The following ISG20L2 variants were observed in gnomAD, a reference collection of about 807,000 sequenced individuals.
The protein encoded by ISG20L2 is interferon-stimulated 20 kDa exonuclease-like 2.
ISG20L2 carries 14 observed loss-of-function variants against 27.8 expected under a neutral mutation model. That is an observed-to-expected ratio of 0.50 (90% CI 0.33 to 0.79). The LOEUF is 0.79. Among genes scored for constraint, ISG20L2 ranks in the 30% least tolerant of loss-of-function variants. The pLI is 0.02. For missense variants in ISG20L2, 393 were observed against 435.1 expected (o/e 0.90, Z 0.86); for synonymous variants, 157 against 165.7 (o/e 0.95, Z 0.40).
In ISG20L2 at chr1:156,727,761, T is replaced by G; in HGVS notation, c.-109A>C. On this transcript the variant is annotated 5_prime_UTR_variant, in exon 2 of 4. Coordinates refer to ENST00000368219, the MANE Select transcript of ISG20L2 (RefSeq NM_001370150.2). ...CTACTGTCCAACATGTGGAGGTCTG[T>G]AGTACACCCTGGGGAAGAAAGTGAT... 4 of 1,505,188 alleles carry G rather than the reference T, an allele frequency of 2.7e-6. No individual in the cohort carries two copies. In the South Asian group the frequency reaches 5.4e-5, roughly 21 times the overall value. 93.2% of individuals were successfully genotyped at this position (1,505,188 alleles called of 1,614,324 possible). A position where few individuals can be genotyped will look rare whatever the true frequency, so the allele number is the denominator to read the frequency against.
intron 2 of ISG20L2, chr1:156,726,417 AAT>A: frequency 1.0e-6 from 1 of 985,286 alleles, no homozygotes; most frequent in Non-Finnish European, 1.2e-6. Context: ...TAGAACCTAA[AAT>A]AGTTTTTTTG....
chr1:156,726,248 G>C (rs1648753075), intron 2 of ISG20L2: 1 of 985,160 alleles, frequency 1.0e-6, no homozygotes, highest in South Asian at 4.7e-5. Context: ...TTTTTGCTTG[G>C]GACGAGCTCT....
In ISG20L2 at chr1:156,728,632, G is replaced by A; in HGVS notation, c.-335C>T. ...GGAGGAGGGGGCGGCGTGGGTGGGG[G>A]CGGGGGCGGGATGCGCTCCCCGGCC... On this transcript the variant is annotated 5_prime_UTR_variant, in exon 1 of 4. Coordinates refer to ENST00000368219, the MANE Select transcript of ISG20L2 (RefSeq NM_001370150.2). 2.0e-6 allele frequency: 2 copies of A among 982,578 alleles called. No individual in the cohort carries two copies. Among genetic ancestry groups the A allele is most frequent in the Non-Finnish European group, 2.4e-6 (2 of 827,054 alleles). The allele number at this position is 982,578 out of a possible 1,614,324, so 60.9% of individuals were successfully genotyped here.
rs374960324 is a variant in ISG20L2 at position 156,724,241 on chromosome 1, A to G, written c.855T>C (p.His285=). Residue 285 remains histidine (H), a synonymous_variant, in exon 3 of 4, where the codon CAT becomes CAC. Coordinates refer to ENST00000368219, the MANE Select transcript of ISG20L2 (RefSeq NM_001370150.2). The part of the protein sequence containing the change: ...HPKSLTRDTS[H]IPPLNRKADC... Reference sequence around the variant, plus strand: ...CAGCCTTCCGGTTGAGGGGGGGGATATGGGAGGTGTCACGGGTGAGGGACT... The same window carrying G: ...CAGCCTTCCGGTTGAGGGGGGGGATGTGGGAGGTGTCACGGGTGAGGGACT... The G allele has an allele frequency of 8.4e-5, 135 of 1,613,006 alleles. No individual in the cohort carries two copies. Among genetic ancestry groups the G allele is most frequent in the Non-Finnish European group, 1.1e-4 (130 of 1,179,472 alleles).
chr1:156,728,579 C>G lies in ISG20L2; in HGVS notation c.-282G>C. ...CCCCAGGTAGTGAGGCCAGTGATTC[C>G]GAGTGTGTGAGGAGCGGCAGTGGCG... On this transcript the variant is annotated 5_prime_UTR_variant, in exon 1 of 4. Coordinates refer to ENST00000368219, the MANE Select transcript of ISG20L2 (RefSeq NM_001370150.2). 1 of 976,380 alleles carries G rather than the reference C, an allele frequency of 1.0e-6. No homozygotes were observed. The highest frequency in any genetic ancestry group is 1.2e-6 in the Non-Finnish European group (1 of 826,788). The allele number at this position is 976,380 out of a possible 1,614,324, so 60.5% of individuals were successfully genotyped here. A position where few individuals can be genotyped will look rare whatever the true frequency, so the allele number is the denominator to read the frequency against.
intron 2 of ISG20L2, chr1:156,724,695 T>C: frequency 2.9e-6 from 3 of 1,034,934 alleles, no homozygotes; most frequent in South Asian, 7.7e-5. Context: ...ATGAAGTCCT[T>C]TAACTATTAC....
chr1:156,728,411 C>T lies in ISG20L2; in HGVS notation c.-118+4G>A. The T allele has an allele frequency of 1.0e-6, 1 of 985,638 alleles. No individual in the cohort carries two copies. Among genetic ancestry groups the T allele is most frequent in the Non-Finnish European group, 1.2e-6 (1 of 829,944 alleles). 61.1% of individuals were successfully genotyped at this position (985,638 alleles called of 1,614,324 possible). ...AGATCGATCTCTCACGCTCACAAAC[C>T]TACCTCCCAGACGGGTCCAGCTAAG... On this transcript the variant is annotated splice_donor_region_variant and intron_variant, in intron 1 of 3. Transcript: ENST00000368219.
At chr1:156,726,040 C>T (rs2102623642) in intron 2 of ISG20L2, 1 of 985,432 alleles carries the variant, frequency 1.0e-6, no homozygotes, top group Non-Finnish European at 1.2e-6. Flanking sequence ...TCCCAGCTCA[C>T]TCTCCTTTCC....
chr1:156,724,739 C>T (rs893807511), intron 2 of ISG20L2: 11 of 992,688 alleles, frequency 1.1e-5, no homozygotes, highest in Admixed American at 1.2e-4. Flanking sequence ...GGCTGGGACC[C>T]GGGCTCCAGG....
Position 156,728,723 on chromosome 1 carries a change from C to T in ISG20L2, c.-426G>A. 2.0e-6 allele frequency: 2 copies of T among 998,710 alleles called. No homozygotes were observed. The highest frequency in any genetic ancestry group is 1.2e-6 in the Non-Finnish European group (1 of 838,118). The allele number at this position is 998,710 out of a possible 1,614,324, so 61.9% of individuals were successfully genotyped here. A position where few individuals can be genotyped will look rare whatever the true frequency, so the allele number is the denominator to read the frequency against. ...GCCGCGATAAACCGGAACTGCAGCC[C>T]GCCGGACACCTCCGGCTTCACTTCC... On this transcript the variant is annotated 5_prime_UTR_variant, in exon 1 of 4. Coordinates refer to ENST00000368219, the MANE Select transcript of ISG20L2 (RefSeq NM_001370150.2).
At position 156,726,427 on chromosome 1, in the gene ISG20L2, T is replaced by C. The variant is rs1648759942; in HGVS notation, c.747+479A>G. Reference sequence around the variant, plus strand: ...CAATTTAGAACCTAAAATAGTTTTTTTGTTTGTTTTTTTGAGACAGGATCT... The same window carrying C: ...CAATTTAGAACCTAAAATAGTTTTTCTGTTTGTTTTTTTGAGACAGGATCT... On this transcript the variant is annotated intron_variant, in intron 2 of 3. Coordinates refer to ENST00000368219, the MANE Select transcript of ISG20L2 (RefSeq NM_001370150.2). The C allele has an allele frequency of 7.1e-6, 7 of 985,072 alleles. No individual in the cohort carries two copies. In the South Asian group the frequency reaches 1.4e-4, roughly 20 times the overall value. 61.0% of individuals were successfully genotyped at this position (985,072 alleles called of 1,614,324 possible). A position where few individuals can be genotyped will look rare whatever the true frequency, so the allele number is the denominator to read the frequency against.
chr1:156,727,918 G>C (rs1648878622), intron 1 of ISG20L2, 149 bp from the exon 2 acceptor site: 2 of 1,210,084 alleles, frequency 1.7e-6, no homozygotes, highest in Admixed American at 8.0e-5. Flanking sequence ...AAATGATGGA[G>C]GGAGCATTGG....
At chr1:156,724,766 C>T in intron 2 of ISG20L2, 4 of 838,184 alleles carry the variant, frequency 4.8e-6, no homozygotes, top group Non-Finnish European at 5.8e-6. Flanking sequence ...AACAAAAGCC[C>T]AAAATTACAT....
chr1:156,724,397 A>T, intron 2 of ISG20L2, 49 bp from the exon 3 acceptor site: 1 of 1,513,374 alleles, frequency 6.6e-7, no homozygotes. Context: ...CTGAAGTGGA[A>T]CCCCTGCATT....
rs374885694 is a variant in ISG20L2, at chr1:156,727,228, T to C, written c.425A>G (p.Gln142Arg). Reference protein sequence around the residue: ...HPTRSQKKSSQKKSSKKNHPQ... With the variant: ...HPTRSQKKSSRKKSSKKNHPQ... The stretch of plus-strand genomic sequence containing the variant: ...ATGGTTCTTTTTAGAGGATTTCTTC[T>C]GGGAGCTCTTCTTCTGAGAGCGGGT... Residue 142 changes from glutamine (Q) to arginine (R), a missense_variant, in exon 2 of 4, where the codon CAG (glutamine) becomes CGG (arginine). This residue lies in a region of ISG20L2 where 183 missense variants were observed against 168.2 expected (regional missense o/e 1.09). Coordinates refer to ENST00000368219, the MANE Select transcript of ISG20L2 (RefSeq NM_001370150.2). 3 of 1,613,922 alleles carry C rather than the reference T, an allele frequency of 1.9e-6. No homozygotes were observed. The highest frequency in any genetic ancestry group is 2.5e-6 in the Non-Finnish European group (3 of 1,180,008).
In ISG20L2 at chr1:156,723,217, G is replaced by T. The variant is rs1648610037; in HGVS notation, c.*132C>A. 2 of 1,101,882 alleles carry T rather than the reference G, an allele frequency of 1.8e-6. No individual in the cohort carries two copies. Among genetic ancestry groups the T allele is most frequent in the South Asian group, 1.4e-5 (1 of 71,296 alleles). The allele number at this position is 1,101,882 out of a possible 1,614,324, so 68.3% of individuals were successfully genotyped here. ...TGAAATTTCAATGGGTATTAAGTCT[G>T]GGGTAGAGCTTCTCTCTCCCCAAAT... is the stretch of plus-strand genomic sequence containing the variant. On this transcript the variant is annotated 3_prime_UTR_variant, in exon 4 of 4. Transcript: ENST00000368219.
chr1:156,728,655 G>A lies in ISG20L2; in HGVS notation c.-358C>T. ...GGGCGGGGGCGGGATGCGCTCCCCG[G>A]CCCCTCTAGCCCCGTGGTGGTACAA... On this transcript the variant is annotated 5_prime_UTR_variant, in exon 1 of 4. Transcript: ENST00000368219. The A allele has an allele frequency of 1.0e-6, 1 of 986,166 alleles. No homozygotes were observed. The highest frequency in any genetic ancestry group is 4.6e-5 in the South Asian group (1 of 21,648). 61.1% of individuals were successfully genotyped at this position (986,166 alleles called of 1,614,324 possible).
chr1:156,725,734 G>T, intron 2 of ISG20L2: 1 of 322,476 alleles, frequency 3.1e-6, no homozygotes, highest in Non-Finnish European at 4.5e-6. Context: ...TCAAAGCTGG[G>T]CAGATTTGCT....
In ISG20L2 at chr1:156,724,131, A is replaced by C; in HGVS notation, c.948+17T>G. 6.3e-7 allele frequency: 1 copy of C among 1,588,742 alleles called. No homozygotes were observed. The highest frequency in any genetic ancestry group is 8.6e-7 in the Non-Finnish European group (1 of 1,159,158). On this transcript the variant is annotated intron_variant, in intron 3 of 3. Coordinates refer to ENST00000368219, the MANE Select transcript of ISG20L2 (RefSeq NM_001370150.2). Reference sequence around the variant, plus strand: ...GCCATGTCCAAGATGGGGGCGGGGGATGTGGGGAGATGCTACCTGGATATC... The same window carrying C: ...GCCATGTCCAAGATGGGGGCGGGGGCTGTGGGGAGATGCTACCTGGATATC...
Sources: gnomAD v4.1 joint callset for allele counts on GRCh38, gnomAD v4.1.1 for gene constraint, gnomAD v4.1.1 regional missense constraint, MANE v1.5 for transcripts, NCBI Gene and HGNC (gene_info 2026-07-23, HGNC 2026-07-21) for gene names.